Variants in NUBPL observed in about 807,000 individuals in gnomAD.
NUBPL encodes the protein NUBP iron-sulfur cluster assembly factor, mitochondrial, also known as iron-sulfur cluster transfer protein NUBPL.
In NUBPL, 31 loss-of-function variants were observed where a neutral mutation model predicts 45.7. The observed-to-expected ratio is 0.68, with a 90% confidence interval of 0.51 to 0.92. The LOEUF is 0.92. Ranked by LOEUF, NUBPL falls within the 40% of genes least tolerant of loss-of-function variation. The pLI is 0.00. For missense variants in NUBPL, 401 were observed against 398.7 expected, an observed-to-expected ratio of 1.01 and a Z score of -0.05; for synonymous variants, 144 against 140.9, an observed-to-expected ratio of 1.02 and a Z score of -0.15.
rs551206236 is a variant in NUBPL at position 31,730,693 on chromosome 14, C to G, written c.514-57087C>G. Among the ~76,000 whole-genome samples the G allele has an allele frequency of 4.9e-3, 745 of 152,130 alleles. 3 individuals carry two copies. The highest frequency in any genetic ancestry group is 8.3e-3 in the Non-Finnish European group (564 of 68,004). On this transcript the variant is annotated intron_variant, in intron 6 of 10. Transcript: ENST00000281081. ...GTGTTAGCCAGGATGGTCTCGATCT[C>G]CTGACCTCATGATCCATCCACCTTG...
At chr14:31,739,930 G>C (rs2139996718) in intron 6 of NUBPL, among the ~76,000 whole-genome samples, 1 of 152,152 alleles carries the variant, frequency 6.6e-6, no homozygotes, top group East Asian at 1.9e-4. Context: ...TTTCTGATTG[G>C]CTTCTTTCAC....
chr14:31,793,824 C>CTTTA (rs1403360127), intron 7 of NUBPL, among the ~76,000 whole-genome samples: 1 of 50,722 alleles, frequency 2.0e-5, no homozygotes, highest in Non-Finnish European at 4.0e-5. Context: ...GCCCCCTTAT[C>CTTTA]TTTCTTTTTT....
intron 3 of NUBPL, among the ~76,000 whole-genome samples, chr14:31,572,836 C>G (rs937799086): frequency 1.3e-5 from 2 of 152,078 alleles, no homozygotes; most frequent in Non-Finnish European, 2.9e-5. Flanking sequence ...TATGGTATAA[C>G]CTATTTGTCC....
chr14:31,812,638 G>A (rs897116635), intron 7 of NUBPL, among the ~76,000 whole-genome samples: 16 of 152,150 alleles, frequency 1.1e-4, no homozygotes, highest in Non-Finnish European at 2.2e-4. Flanking sequence ...TCCTTGGCCT[G>A]CACCCACTTT....
At position 31,677,802 on chromosome 14, in the gene NUBPL, C is replaced by T. The variant is rs961430109; in HGVS notation, c.513+4228C>T. Among the ~76,000 whole-genome samples the T allele has an allele frequency of 9.2e-5, 14 of 152,142 alleles. 1 individual carries two copies. Among genetic ancestry groups the T allele is most frequent in the East Asian group, 1.9e-4 (1 of 5,186 alleles). On this transcript the variant is annotated intron_variant, in intron 6 of 10. Transcript: ENST00000281081. ...GTCTTGTCCTGCTGTTACCACTATC[C>T]GGCTACTGACTATGTTTGCTCAAGG...
At chr14:31,844,235 T>C (rs1202303335) in intron 8 of NUBPL, 1 of 152,258 alleles carries the variant, frequency 6.6e-6, no homozygotes, top group African/African-American at 2.4e-5. Context: ...TCTCTCTGAA[T>C]TGAAATATAC....
chr14:31,678,943 G>A (rs1401590899), intron 6 of NUBPL, among the ~76,000 whole-genome samples: 2 of 152,166 alleles, frequency 1.3e-5, no homozygotes, highest in African/African-American at 4.8e-5. Context: ...TGGTGTTGAG[G>A]CTTGCTGGAA....
chr14:31,815,170 C>G (rs111595378), intron 7 of NUBPL, among the ~76,000 whole-genome samples: 11,206 of 152,156 alleles, frequency 0.074, 470 homozygotes, highest in Non-Finnish European at 0.092. Flanking sequence ...TATTCATGAA[C>G]ATGGAATTTT....
At chr14:31,699,651 A>G (rs948050205) in intron 6 of NUBPL, among the ~76,000 whole-genome samples, 4 of 152,228 alleles carry the variant, frequency 2.6e-5, no homozygotes, top group African/African-American at 9.6e-5. Context: ...AATTGACAAA[A>G]TATTAAGAGT....
chr14:31,629,862 C>T (rs1438624792), intron 4 of NUBPL, among the ~76,000 whole-genome samples: 4 of 152,078 alleles, frequency 2.6e-5, no homozygotes, highest in Non-Finnish European at 1.5e-5. Context: ...TTTGTGACAT[C>T]GTTTTTCTCG....
chr14:31,641,380 C>G (rs1481996912), intron 4 of NUBPL, among the ~76,000 whole-genome samples: 1 of 152,124 alleles, frequency 6.6e-6, no homozygotes, highest in Non-Finnish European at 1.5e-5. Flanking sequence ...TCTTTATCTT[C>G]AACAAATCCA....
At chr14:31,815,930 G>A (rs1370453556) in intron 7 of NUBPL, among the ~76,000 whole-genome samples, 75 of 152,032 alleles carry the variant, frequency 4.9e-4, no homozygotes, top group Non-Finnish European at 7.4e-5. Context: ...TGCTGGATTC[G>A]GTTTGCCAGT....
chr14:31,618,986 A>G (rs1054257354), intron 4 of NUBPL, among the ~76,000 whole-genome samples: 3 of 152,150 alleles, frequency 2.0e-5, no homozygotes, highest in Non-Finnish European at 4.4e-5. Flanking sequence ...TTGGGTGCAT[A>G]TATAGTTAGG....
intron 7 of NUBPL, among the ~76,000 whole-genome samples, chr14:31,807,445 CT>C (rs2039711956): frequency 1.3e-5 from 2 of 152,108 alleles, no homozygotes; most frequent in Non-Finnish European, 2.9e-5. Flanking sequence ...TGTTCATATC[CT>C]TTGCCCACTT....
At chr14:31,581,202 CT>C (rs751566032) in intron 3 of NUBPL, among the ~76,000 whole-genome samples, 11,889 of 103,264 alleles carry the variant, frequency 0.12, 1,232 homozygotes, top group African/African-American at 0.32. Context: ...AGAGATGGTT[CT>C]TTTTTTTTTT....
At chr14:31,856,199 T>C (rs1595714792) in intron 10 of NUBPL, among the ~76,000 whole-genome samples, 1 of 152,146 alleles carries the variant, frequency 6.6e-6, no homozygotes, top group South Asian at 2.1e-4. Flanking sequence ...ATGTCTTACA[T>C]GGATGGCGGC....
Position 31,701,581 on chromosome 14 carries a change from C to T in NUBPL, c.513+28007C>T, listed in dbSNP as rs530649107. On this transcript the variant is annotated intron_variant, in intron 6 of 10. Transcript: ENST00000281081. ...CCTTTATGAGCTGTAACACTCACTG[C>T]GAAGGTCTGCAGCTTCACTCCTGAA... is the stretch of plus-strand genomic sequence containing the variant. Among the ~76,000 whole-genome samples, 20 of 152,202 alleles carry T rather than the reference C, an allele frequency of 1.3e-4. No homozygotes were observed. The East Asian group carries it at 2.1e-3, about 16-fold the overall frequency.
chr14:31,696,059 T>G (rs2037207731), intron 6 of NUBPL, among the ~76,000 whole-genome samples: 1 of 152,250 alleles, frequency 6.6e-6, no homozygotes, highest in Non-Finnish European at 1.5e-5. Flanking sequence ...GTTACTGTTT[T>G]AAAGTATCAG....
intron 3 of NUBPL, among the ~76,000 whole-genome samples, chr14:31,585,436 C>T (rs553913723): frequency 1.3e-5 from 2 of 152,202 alleles, no homozygotes; most frequent in South Asian, 2.1e-4. Context: ...TTCTGTTTAT[C>T]GATTTCATCA....
Sources: gnomAD v4.1 joint callset for allele counts (sites outside exome capture counted in the v4.1 genomes callset) on GRCh38, gnomAD v4.1.1 for gene constraint, MANE v1.5 for transcripts, NCBI Gene and HGNC (gene_info 2026-07-23, HGNC 2026-07-21) for gene names.